Variants in KLF8 observed in about 807,000 individuals in gnomAD.
KLF8 encodes the protein Krueppel-like factor 8.
Under a neutral mutation model 18.2 loss-of-function variants are expected in KLF8, and 10 were observed. The ratio of observed to expected loss-of-function variants is 0.55; its 90% CI spans 0.34 to 0.93. KLF8 has a LOEUF of 0.93. Among genes scored for constraint, KLF8 ranks in the 40% least tolerant of loss-of-function variants. The pLI, the probability that KLF8 is intolerant of heterozygous loss-of-function variation, is 0.02. For missense variants in KLF8, 264 were observed against 277.9 expected (o/e 0.95, Z 0.36); for synonymous variants, 109 against 97.3 (o/e 1.12, Z -0.71).
At chrX:56,282,733 G>T (rs1338449360) in intron 5 of KLF8, among the ~76,000 whole-genome samples, 1 of 111,851 alleles carries the variant, frequency 8.9e-6, no homozygotes, top group African/African-American at 3.3e-5. Flanking sequence ...CTGCATTATT[G>T]TTTGTTTCTG....
At chrX:56,144,855 C>T in the KLF8 span, among the ~76,000 whole-genome samples, 1 of 107,941 alleles carries the variant, frequency 9.3e-6, no homozygotes. Context: ...TGTGGTGGCA[C>T]CATCTCAGCT....
At chrX:56,255,014 T>C (rs1256192252) in intron 2 of KLF8, among the ~76,000 whole-genome samples, 1 of 112,611 alleles carries the variant, frequency 8.9e-6, no homozygotes, top group African/African-American at 3.2e-5. Context: ...CCTGTCAGTA[T>C]GGACATTTCA....
the KLF8 span, among the ~76,000 whole-genome samples, chrX:56,134,832 C>G: frequency 3.6e-5 from 4 of 110,428 alleles, no homozygotes; most frequent in Non-Finnish European, 7.6e-5. Context: ...AAAAAAAAAT[C>G]CCATCAAAAA....
Position 56,269,375 on chromosome X carries a change from T to C in KLF8, c.647-3T>C. The C allele has an allele frequency of 8.3e-7, 1 of 1,202,525 alleles. No homozygotes were observed. The highest frequency in any genetic ancestry group is 1.1e-6 in the Non-Finnish European group (1 of 891,376). ...TCACACTGCTCCCTTTCTTTGCTTT[T>C]AGTGAAAGTTGACCCCACCTCCATG... On this transcript the variant is annotated splice_region_variant and splice_polypyrimidine_tract_variant and intron_variant, in intron 3 of 5. Transcript: ENST00000468660.
chrX:56,174,002 C>T, the KLF8 span, among the ~76,000 whole-genome samples: 5 of 111,757 alleles, frequency 4.5e-5, no homozygotes, highest in Non-Finnish European at 7.5e-5. Flanking sequence ...TGGGCTGAGA[C>T]GATGGGGTTT....
the KLF8 span, among the ~76,000 whole-genome samples, chrX:56,173,425 T>G: frequency 8.9e-6 from 1 of 111,797 alleles, no homozygotes; most frequent in Non-Finnish European, 1.9e-5. Flanking sequence ...GCAGCATTAT[T>G]TCTGAAGGCT....
chrX:55,916,702 T>G, the KLF8 span, among the ~76,000 whole-genome samples: 1 of 111,860 alleles, frequency 8.9e-6, no homozygotes, highest in African/African-American at 3.2e-5. Context: ...GCCTGGGCTT[T>G]AGAACTACAC....
the KLF8 span, among the ~76,000 whole-genome samples, chrX:56,173,593 G>A: frequency 9.0e-6 from 1 of 111,647 alleles, no homozygotes; most frequent in Non-Finnish European, 1.9e-5. Flanking sequence ...CTCTTTTTTG[G>A]TTCCATATGA....
At chrX:56,109,758 T>C in the KLF8 span, among the ~76,000 whole-genome samples, 1 of 48,537 alleles carries the variant, frequency 2.1e-5, no homozygotes, top group Non-Finnish European at 4.3e-5. Context: ...CATAACTTAT[T>C]TTTTCCCTTT....
chrX:56,218,719 AC>A, the KLF8 span, among the ~76,000 whole-genome samples: 1 of 112,324 alleles, frequency 8.9e-6, no homozygotes, highest in East Asian at 2.8e-4. Flanking sequence ...TTAATTTTAC[AC>A]TAGGTCCCAA....
At chrX:56,091,676 G>T in the KLF8 span, among the ~76,000 whole-genome samples, 1 of 110,657 alleles carries the variant, frequency 9.0e-6, no homozygotes, top group South Asian at 3.9e-4. Flanking sequence ...TGTATTTTTA[G>T]TAGAGAAAGG....
chrX:55,957,105 A>C, the KLF8 span, among the ~76,000 whole-genome samples: 1 of 111,131 alleles, frequency 9.0e-6, no homozygotes, highest in Admixed American at 9.6e-5. Context: ...ATTCTTCTTC[A>C]TGTGGTTATT....
the KLF8 span, among the ~76,000 whole-genome samples, chrX:56,084,477 CAAATGACATACAGCCAGTCTTGACAT>C: frequency 3.6e-5 from 4 of 111,693 alleles, no homozygotes; most frequent in Non-Finnish European, 7.5e-5. Flanking sequence ...ATAGGCACAA[CAAATGACATACAGCCAGTCTTGACAT>C]AACTTAGGCT....
At chrX:56,132,592 C>T in the KLF8 span, among the ~76,000 whole-genome samples, 4 of 110,592 alleles carry the variant, frequency 3.6e-5, no homozygotes, top group African/African-American at 9.8e-5. Context: ...GAAATAAGAA[C>T]AAATCTTAAA....
chrX:56,109,414 C>T, the KLF8 span, among the ~76,000 whole-genome samples: 2 of 106,803 alleles, frequency 1.9e-5, no homozygotes, highest in African/African-American at 7.1e-5. Context: ...AAAAAAAGAT[C>T]GATTCTATTC....
At chrX:56,163,344 A>G in the KLF8 span, among the ~76,000 whole-genome samples, 1 of 112,037 alleles carries the variant, frequency 8.9e-6, no homozygotes, top group Non-Finnish European at 1.9e-5. Context: ...TGTAATAACA[A>G]GTGATGTTGA....
chrX:56,121,169 G>A, the KLF8 span, among the ~76,000 whole-genome samples: 1 of 94,492 alleles, frequency 1.1e-5, no homozygotes, highest in Non-Finnish European at 2.0e-5. Flanking sequence ...CTGGGCCACA[G>A]AGCGAGACTC....
chrX:56,157,647 T>A, the KLF8 span, among the ~76,000 whole-genome samples: 3 of 112,064 alleles, frequency 2.7e-5, no homozygotes, highest in African/African-American at 9.7e-5. Flanking sequence ...CCAGTGATGA[T>A]GAGCATTTTT....
chrX:56,109,565 G>A, the KLF8 span, among the ~76,000 whole-genome samples: 2 of 110,598 alleles, frequency 1.8e-5, no homozygotes. Context: ...CTAAATGTTC[G>A]ATTATTATTG....
Sources: allele counts gnomAD v4.1 joint callset (sites outside exome capture counted in the v4.1 genomes callset), GRCh38; gene constraint gnomAD v4.1.1; transcripts MANE v1.5; gene names NCBI Gene and HGNC (gene_info 2026-07-23, HGNC 2026-07-21).